The following TPST1 variants were observed in gnomAD, a reference collection of about 807,000 sequenced individuals.
TPST1 encodes tyrosylprotein sulfotransferase 1, also known as protein-tyrosine sulfotransferase 1.
Under a neutral mutation model 34.8 loss-of-function variants are expected in TPST1, and 20 were observed. That is an observed-to-expected ratio of 0.57 (90% CI 0.40 to 0.84). The LOEUF (loss-of-function observed/expected upper bound fraction) is 0.84, where lower values mean the gene tolerates loss of function less well. TPST1 is among the 40% of genes least tolerant of loss of function. TPST1 has a pLI of 0.00. For synonymous variants in TPST1, 152 were observed against 159.4 expected (o/e 0.95, Z 0.35); for missense variants, 353 against 455.5 (o/e 0.78, Z 2.05).
chr7:66,341,230 C>CTA (rs1257365468), intron 3 of TPST1, among the ~76,000 whole-genome samples: 1 of 152,136 alleles, frequency 6.6e-6, no homozygotes. Context: ...CACCATGGTT[C>CTA]TATATATATG....
At chr7:66,280,756 G>A (rs1790916738) in intron 2 of TPST1, among the ~76,000 whole-genome samples, 1 of 152,136 alleles carries the variant, frequency 6.6e-6, no homozygotes, top group African/African-American at 2.4e-5. Context: ...TCCCTTTAAA[G>A]CACTTTTGAT....
At chr7:66,263,952 A>G (rs1165209056) in intron 2 of TPST1, among the ~76,000 whole-genome samples, 1 of 152,186 alleles carries the variant, frequency 6.6e-6, no homozygotes, top group Admixed American at 6.5e-5. Context: ...AATCTTAGTA[A>G]GAATAGTGAG....
At chr7:66,328,011 C>CTTTTTTTTTTTTTTTTTTTTTT (rs35582736) in intron 3 of TPST1, among the ~76,000 whole-genome samples, 1 of 39,486 alleles carries the variant, frequency 2.5e-5, no homozygotes, top group Non-Finnish European at 4.4e-5. Context: ...TTTTCCTTTC[C>CTTTTTTTTTTTTTTTTTTTTTT]TTTTTTTTTT....
At chr7:66,255,290 G>A (rs962578089) in intron 2 of TPST1, among the ~76,000 whole-genome samples, 1 of 152,132 alleles carries the variant, frequency 6.6e-6, no homozygotes, top group Admixed American at 6.6e-5. Context: ...AGAGGCCAGG[G>A]TGTTGCTAAA....
rs1789108206 is a variant in TPST1, at chr7:66,205,525, A to T, written c.-102+3A>T. 6.6e-6 allele frequency: 1 copy of T among 152,536 alleles called. No individual in the cohort carries two copies. Among genetic ancestry groups the T allele is most frequent in the Non-Finnish European group, 1.5e-5 (1 of 68,380 alleles). 9.4% of individuals were successfully genotyped at this position (152,536 alleles called of 1,614,324 possible). A position where few individuals can be genotyped will look rare whatever the true frequency, so the allele number is the denominator to read the frequency against. ...CGGCGGCTCCTCACTCATCCCAGGT[A>T]AGGGGGACGCGGCGCTCGCTGCGGC... On this transcript the variant is annotated splice_donor_region_variant and intron_variant, in intron 1 of 5. Transcript: ENST00000304842. This position sits in a 1 kb window ranked among gnomAD's most constrained non-coding sequence, Gnocchi z 5.0.
intron 1 of TPST1, among the ~76,000 whole-genome samples, chr7:66,220,024 G>GATT (rs957779518): frequency 6.6e-6 from 1 of 151,992 alleles, no homozygotes; most frequent in Non-Finnish European, 1.5e-5. Context: ...AAAGGGAGTG[G>GATT]ATTAGAAGAG....
intron 3 of TPST1, 94 bp from the exon 4 acceptor site, chr7:66,352,411 C>G: frequency 1.3e-6 from 2 of 1,544,476 alleles, no homozygotes; most frequent in South Asian, 2.6e-5. Flanking sequence ...AGCAGTGGAG[C>G]AGTAAACCCG....
At chr7:66,306,456 T>G (rs1463035808) in intron 3 of TPST1, among the ~76,000 whole-genome samples, 2 of 152,236 alleles carry the variant, frequency 1.3e-5, no homozygotes, top group African/African-American at 4.8e-5. Context: ...GAGTTTGCTC[T>G]GACTCCCTGT....
intron 4 of TPST1, among the ~76,000 whole-genome samples, chr7:66,355,969 C>A (rs916876216): frequency 6.8e-6 from 1 of 146,784 alleles, no homozygotes; most frequent in Non-Finnish European, 1.5e-5. Flanking sequence ...GCAGGATGAT[C>A]TGTTAAGCCC....
At chr7:66,212,906 A>G (rs1584136172) in intron 1 of TPST1, among the ~76,000 whole-genome samples, 1 of 152,266 alleles carries the variant, frequency 6.6e-6, no homozygotes, top group East Asian at 1.9e-4. Flanking sequence ...AAATGTTGAG[A>G]AACTTTTTTC....
At chr7:66,354,772 A>G (rs1053247044) in intron 4 of TPST1, among the ~76,000 whole-genome samples, 1 of 151,672 alleles carries the variant, frequency 6.6e-6, no homozygotes, top group Non-Finnish European at 1.5e-5. Flanking sequence ...AGGCAGGCAG[A>G]TTGCTTGAGT....
chr7:66,318,504 G>A (rs1302581507), intron 3 of TPST1, among the ~76,000 whole-genome samples: 1 of 147,852 alleles, frequency 6.8e-6, no homozygotes, highest in African/African-American at 2.5e-5. Context: ...GTCTCACTCT[G>A]TTGTCAGGCT....
intron 3 of TPST1, among the ~76,000 whole-genome samples, chr7:66,351,912 C>T (rs1296119636): frequency 6.6e-6 from 1 of 152,062 alleles, no homozygotes; most frequent in Non-Finnish European, 1.5e-5. Context: ...ACAAATTTAT[C>T]ATAAAGATTC....
chr7:66,342,862 A>C (rs1792267005), intron 3 of TPST1, among the ~76,000 whole-genome samples: 1 of 152,110 alleles, frequency 6.6e-6, no homozygotes, highest in South Asian at 2.1e-4. Context: ...TGACCCAAAC[A>C]CTTCCCACTA....
chr7:66,353,411 A>G (rs1792520471), intron 4 of TPST1, among the ~76,000 whole-genome samples: 1 of 152,108 alleles, frequency 6.6e-6, no homozygotes, highest in Admixed American at 6.6e-5. Context: ...GGAGGTTGCC[A>G]TGAGTTTAGA....
intron 1 of TPST1, among the ~76,000 whole-genome samples, chr7:66,226,736 T>C (rs1789663743): frequency 6.6e-6 from 1 of 152,190 alleles, no homozygotes; most frequent in Admixed American, 6.5e-5. Context: ...TCACTCAAAT[T>C]TGTGTCCGTT....
At chr7:66,270,184 C>T (rs753115213) in intron 2 of TPST1, among the ~76,000 whole-genome samples, 2 of 152,098 alleles carry the variant, frequency 1.3e-5, no homozygotes, top group Non-Finnish European at 2.9e-5. Flanking sequence ...CAAGAGACCA[C>T]GCCTGGCCTA....
chr7:66,237,035 T>C (rs1211421906), intron 1 of TPST1, among the ~76,000 whole-genome samples: 1 of 152,200 alleles, frequency 6.6e-6, no homozygotes, highest in East Asian at 1.9e-4. Context: ...AGTCCTTTCA[T>C]GTCTCCTCTG....
Position 66,356,885 on chromosome 7 carries a change from G to A in TPST1, c.*29+14G>A. 6.2e-7 allele frequency: 1 copy of A among 1,613,888 alleles called. No individual in the cohort carries two copies. The highest frequency in any genetic ancestry group is 8.5e-7 in the Non-Finnish European group (1 of 1,179,852). The stretch of plus-strand genomic sequence containing the variant: ...TCCATACATGAGGTGAGGGTTGGGG[G>A]ACATTGCCAGGTCTTTCTGTTTCCC... On this transcript the variant is annotated intron_variant, in intron 5 of 5. Coordinates refer to ENST00000304842, the MANE Select transcript of TPST1 (RefSeq NM_003596.4).
Sources: gnomAD v4.1 joint callset for allele counts (sites outside exome capture counted in the v4.1 genomes callset) on GRCh38, gnomAD v4.1.1 for gene constraint, Gnocchi (gnomAD v3.1) non-coding constraint, MANE v1.5 for transcripts, NCBI Gene and HGNC (gene_info 2026-07-23, HGNC 2026-07-21) for gene names.